TRAK1: variants seen among roughly 807,000 people sequenced by gnomAD.
The protein encoded by TRAK1 is trafficking kinesin-binding protein 1.
Under a neutral mutation model 92.1 loss-of-function variants are expected in TRAK1, and 33 were observed. That is an observed-to-expected ratio of 0.36 (90% CI 0.27 to 0.48). The LOEUF (loss-of-function observed/expected upper bound fraction) is 0.48. Ranked by LOEUF, TRAK1 falls within the 20% of genes least tolerant of loss-of-function variation. The pLI is 0.99. For synonymous variants in TRAK1, 521 were observed against 517.3 expected (o/e 1.01, Z -0.10); for missense variants, 1,123 against 1,257.9 (o/e 0.89, Z 1.62).
At chr3:42,050,117 G>A (rs558802925) in intron 1 of TRAK1, among the ~76,000 whole-genome samples, 2 of 151,980 alleles carry the variant, frequency 1.3e-5, no homozygotes, top group South Asian at 4.2e-4. Flanking sequence ...TGCCCAGAGG[G>A]GAGCCCTCCA....
chr3:42,194,405 GC>G (rs56172021), intron 9 of TRAK1, among the ~76,000 whole-genome samples: 114,208 of 149,204 alleles, frequency 0.77, 43,909 homozygotes, highest in East Asian at 0.98. Flanking sequence ...CCTAATTTTT[GC>G]TTTTTTTTTT....
At chr3:42,173,254 C>T (rs1480715273) in intron 2 of TRAK1, among the ~76,000 whole-genome samples, 1 of 152,166 alleles carries the variant, frequency 6.6e-6, no homozygotes, top group Non-Finnish European at 1.5e-5. Flanking sequence ...TTTGGTAGCA[C>T]TCCTTGGGTC....
chr3:42,205,937 T>G (rs1708281942), intron 13 of TRAK1, among the ~76,000 whole-genome samples: 1 of 152,234 alleles, frequency 6.6e-6, no homozygotes, highest in African/African-American at 2.4e-5. Context: ...TCTCTTTCCT[T>G]GCCCTGTTTG....
chr3:42,052,339 CA>C (rs1559724015), intron 1 of TRAK1, among the ~76,000 whole-genome samples: 1 of 152,222 alleles, frequency 6.6e-6, no homozygotes, highest in Non-Finnish European at 1.5e-5. Context: ...GGGGGCCCAG[CA>C]ATCTGTGTTC....
At position 42,013,841 on chromosome 3, in the gene TRAK1, A is replaced by G. The variant is rs1396133791; in HGVS notation, c.-795A>G. ...CGCGGGAGAGCCGGAGCGCAGCCTTAGCGTCCCCGAGAGTCTCGAACGCCC... is the reference window on the plus strand; with the variant it reads ...CGCGGGAGAGCCGGAGCGCAGCCTTGGCGTCCCCGAGAGTCTCGAACGCCC... On this transcript the variant is annotated 5_prime_UTR_variant, in exon 1 of 17. Coordinates refer to the TRAK1 transcript ENST00000487159. This position sits in a 1 kb window ranked among gnomAD's most constrained non-coding sequence, Gnocchi z 5.1. 6.7e-6 allele frequency: 1 copy of G among 149,672 alleles called. No homozygotes were observed. The highest frequency in any genetic ancestry group is 1.5e-5 in the Non-Finnish European group (1 of 67,006). 9.3% of individuals were successfully genotyped at this position (149,672 alleles called of 1,614,324 possible). A position where few individuals can be genotyped will look rare whatever the true frequency, so the allele number is the denominator to read the frequency against.
At chr3:42,196,469 G>A (rs1263480282) in intron 10 of TRAK1, among the ~76,000 whole-genome samples, 1 of 151,878 alleles carries the variant, frequency 6.6e-6, no homozygotes, top group Admixed American at 6.6e-5. Context: ...AGTGATATTA[G>A]CACTGCTTGT....
chr3:42,017,711 G>A (rs1701577219), intron 1 of TRAK1, among the ~76,000 whole-genome samples: 1 of 152,190 alleles, frequency 6.6e-6, no homozygotes, highest in Non-Finnish European at 1.5e-5. Context: ...GAAAGGCTGT[G>A]TAGTATGATT....
rs757826568 is a variant in TRAK1 at position 42,091,420 on chromosome 3, A to T, written c.-50A>T. The T allele has an allele frequency of 5.0e-5, 79 of 1,571,694 alleles. No individual in the cohort carries two copies. The highest frequency in any genetic ancestry group is 6.6e-5 in the Non-Finnish European group (76 of 1,146,358). On this transcript the variant is annotated 5_prime_UTR_variant, in exon 1 of 16. The change abolishes an upstream ATG in the 5' untranslated region. Transcript: ENST00000327628. ...GAGGTACTGCCGGGGCTGAGCTCTC[A>T]TGGAGGCTCTCTCTGTTCTCTGAAG...
At chr3:42,148,780 T>C (rs1160690703) in intron 2 of TRAK1, among the ~76,000 whole-genome samples, 3 of 152,192 alleles carry the variant, frequency 2.0e-5, no homozygotes, top group Non-Finnish European at 4.4e-5. Flanking sequence ...TCTAAGTAAT[T>C]TACATTTCCT....
chr3:42,192,068 T>C (rs1201710917), intron 7 of TRAK1, among the ~76,000 whole-genome samples: 1 of 135,424 alleles, frequency 7.4e-6, no homozygotes, highest in Non-Finnish European at 1.7e-5. Flanking sequence ...TGCCTGGCTA[T>C]TTTTTTGTAT....
intron 1 of TRAK1, among the ~76,000 whole-genome samples, chr3:42,023,025 G>C (rs1230779603): frequency 6.6e-6 from 1 of 151,800 alleles, no homozygotes; most frequent in Non-Finnish European, 1.5e-5. Context: ...GGACGTGGTG[G>C]TGGGCACCTG....
At chr3:42,050,704 T>C (rs1576182701) in intron 1 of TRAK1, among the ~76,000 whole-genome samples, 2 of 152,248 alleles carry the variant, frequency 1.3e-5, no homozygotes, top group African/African-American at 4.8e-5. Flanking sequence ...ATTGCCCAGG[T>C]TGGAGTACAG....
At chr3:42,032,081 T>G (rs1432819442) in intron 1 of TRAK1, among the ~76,000 whole-genome samples, 1 of 152,208 alleles carries the variant, frequency 6.6e-6, no homozygotes, top group East Asian at 1.9e-4. Flanking sequence ...CTGGAGAGAC[T>G]GAGTCAGGAG....
At chr3:42,032,305 T>G (rs1355888855) in intron 1 of TRAK1, among the ~76,000 whole-genome samples, 1 of 152,214 alleles carries the variant, frequency 6.6e-6, no homozygotes, top group East Asian at 1.9e-4. Context: ...CATGCCTGGT[T>G]AATGCAGAAT....
intron 2 of TRAK1, among the ~76,000 whole-genome samples, chr3:42,164,401 C>T (rs1314858062): frequency 6.6e-6 from 1 of 152,202 alleles, no homozygotes; most frequent in Non-Finnish European, 1.5e-5. Context: ...TCATGTCACT[C>T]ATTTAATCTT....
intron 1 of TRAK1, among the ~76,000 whole-genome samples, chr3:42,113,604 G>A (rs1195474623): frequency 2.6e-5 from 4 of 151,940 alleles, no homozygotes; most frequent in Non-Finnish European, 5.9e-5. Context: ...TAGTAGAGAC[G>A]GGGTTTCACT....
intron 2 of TRAK1, among the ~76,000 whole-genome samples, chr3:42,173,725 G>T (rs1249335541): frequency 1.3e-5 from 2 of 152,166 alleles, no homozygotes; most frequent in Non-Finnish European, 2.9e-5. Context: ...CCTCAGTGGG[G>T]TCCTTAACAT....
rs376778379 is a variant in TRAK1 at position 42,199,194 on chromosome 3, G to A, written c.1131G>A (p.Glu377=). The A allele has an allele frequency of 2.5e-6, 4 of 1,613,662 alleles. 1 individual carries two copies. In the South Asian group the frequency reaches 3.3e-5, roughly 13 times the overall value. ...TTTCCCAGGATTCCTTGGCAGCAGA[G>A]ATTGAGGGAACGATGCGCAAGGAGC... ...GLFPMDSLAA[E]IEGTMRKELQ... Residue 377 remains glutamate (E), a synonymous_variant, in exon 11 of 16, where the codon GAG becomes GAA. Coordinates refer to ENST00000327628, the MANE Select transcript of TRAK1 (RefSeq NM_001042646.3).
intron 4 of TRAK1, among the ~76,000 whole-genome samples, chr3:42,185,908 A>G (rs1704751755): frequency 1.3e-5 from 2 of 148,830 alleles, no homozygotes; most frequent in South Asian, 2.1e-4. Context: ...TCCTGACCTC[A>G]GGTCATCCGC....
Sources: gnomAD v4.1 joint callset for allele counts (sites outside exome capture counted in the v4.1 genomes callset) on GRCh38, gnomAD v4.1.1 for gene constraint, Gnocchi (gnomAD v3.1) non-coding constraint, MANE v1.5 for transcripts, NCBI Gene and HGNC (gene_info 2026-07-23, HGNC 2026-07-21) for gene names.